Variants in HYDIN observed in about 807,000 individuals in gnomAD.
The protein encoded by HYDIN is axonemal central pair apparatus protein HYDIN.
Under a neutral mutation model 403.9 loss-of-function variants are expected in HYDIN, and 132 were observed. The ratio of observed to expected loss-of-function variants is 0.33; its 90% CI spans 0.28 to 0.38. The LOEUF is 0.38. Ranked by LOEUF, HYDIN falls within the 10% of genes least tolerant of loss-of-function variation. The pLI is 1.00. For missense variants in HYDIN, 2,827 were observed against 5,009.5 expected, an observed-to-expected ratio of 0.56 and a Z score of 13.15; for synonymous variants, 1,202 against 1,891.7, an observed-to-expected ratio of 0.64 and a Z score of 9.46.
rs766663360 is a variant in HYDIN, at chr16:70,907,426, A to T, written c.8462T>A (p.Met2821Lys). Residue 2821 changes from methionine to lysine, a missense_variant, in exon 50 of 86, where the codon ATG becomes AAG. Met to Lys is a moderately conservative substitution (Grantham distance 95). Transcript: ENST00000393567. ...CCCAAAGTAGTACGTCTCCGTGCTC[A>T]TAACATACTTCTTAAAGATGACCTC... ...TNEVIFKKYV[M>K]STETYYFGPL... The T allele has an allele frequency of 5.0e-5, 30 of 599,614 alleles. 1 individual carries two copies. The South Asian group carries it at 5.8e-4, about 12-fold the overall frequency. The allele number at this position is 599,614 out of a possible 1,614,324, so 37.1% of individuals were successfully genotyped here. A position where few individuals can be genotyped will look rare whatever the true frequency, so the allele number is the denominator to read the frequency against.
chr16:71,194,226 T>C lies in HYDIN; in HGVS notation c.-23-7308A>G, dbSNP rs113042500. 8.5e-3 allele frequency among the ~76,000 whole-genome samples: 1,298 copies of C among 152,008 alleles called. 17 individuals carry two copies. The highest frequency in any genetic ancestry group is 0.03 in the African/African-American group (1,234 of 41,460). On this transcript the variant is annotated intron_variant, in intron 1 of 85. Coordinates refer to ENST00000393567, the MANE Select transcript of HYDIN (RefSeq NM_001270974.2). The stretch of plus-strand genomic sequence containing the variant: ...AGGAGATCGAGACCATTGTGGCAAA[T>C]GTGGTTAAACCCCATCTCTACTAAA...
chr16:70,840,218 T>C lies in HYDIN; in HGVS notation c.12889A>G (p.Thr4297Ala), dbSNP rs769324985. ...ELIIKISHGP[T>A]FMCNISGCAV... ...CAGCCTGAGATGTTGCACATAAATG[T>C]TGGACCATGGCTGATCTGTGAGGAG... The change falls in exon 76 of 86, where the codon ACA (threonine) becomes GCA (alanine). Residue 4297 changes from threonine (T) to alanine (A), a missense_variant. Transcript: ENST00000393567. 3.3e-6 allele frequency: 3 copies of C among 922,450 alleles called. No individual in the cohort carries two copies. The highest frequency in any genetic ancestry group is 3.4e-4 in the Middle Eastern group (1 of 2,968). The allele number at this position is 922,450 out of a possible 1,614,324, so 57.1% of individuals were successfully genotyped here. A position where few individuals can be genotyped will look rare whatever the true frequency, so the allele number is the denominator to read the frequency against.
At chr16:70,984,895 C>T (rs1319623755) in intron 28 of HYDIN, among the ~76,000 whole-genome samples, 16 of 151,264 alleles carry the variant, frequency 1.1e-4, no homozygotes, top group African/African-American at 3.7e-4. Context: ...GTGAAGACAT[C>T]GGTGGAAATA....
chr16:71,133,336 C>A, intron 8 of HYDIN: 1 of 451,968 alleles, frequency 2.2e-6, no homozygotes, highest in Non-Finnish European at 4.4e-6. Flanking sequence ...ACTCTGTGAT[C>A]AATGTTACAA....
At chr16:70,977,066 T>G (rs903499523) in intron 30 of HYDIN, among the ~76,000 whole-genome samples, 53 of 152,256 alleles carry the variant, frequency 3.5e-4, no homozygotes, top group African/African-American at 1.2e-3. Context: ...GCTCTGCACG[T>G]ACCATCATAT....
At chr16:71,003,196 C>T (rs1406323798) in intron 23 of HYDIN, among the ~76,000 whole-genome samples, 2 of 152,094 alleles carry the variant, frequency 1.3e-5, no homozygotes, top group East Asian at 3.9e-4. Flanking sequence ...TACAATAAGG[C>T]TTGATATCTA....
intron 1 of HYDIN, among the ~76,000 whole-genome samples, chr16:71,223,413 T>C (rs1361243043): frequency 2.0e-5 from 3 of 152,154 alleles, no homozygotes; most frequent in Non-Finnish European, 4.4e-5. Flanking sequence ...GGCATTGGCT[T>C]AGGCAGAAAT....
intron 84 of HYDIN, among the ~76,000 whole-genome samples, chr16:70,813,585 T>TAAACTAAAACTTAAAACTAAAAA: frequency 6.6e-6 from 1 of 152,126 alleles, no homozygotes; most frequent in Non-Finnish European, 1.5e-5. Context: ...AAATGTCTGT[T>TAAACTAAAACTTAAAACTAAAAA]GTTTTAAGTT....
At chr16:71,114,892 A>T (rs2083961318) in intron 10 of HYDIN, among the ~76,000 whole-genome samples, 1 of 79,480 alleles carries the variant, frequency 1.3e-5, no homozygotes. Context: ...TTGCCATCCC[A>T]CCTGTGCACC....
rs202051879 is a variant in HYDIN at position 70,882,714 on chromosome 16, G to A, written c.10161C>T (p.Asn3387=). The change falls in exon 60 of 86, where the codon AAC becomes AAT. Residue 3387 remains asparagine, a synonymous_variant. Coordinates refer to ENST00000393567, the MANE Select transcript of HYDIN (RefSeq NM_001270974.2). ...TGACATCACAGGTGATCTTTCCCAC[G>A]TTGCTGATCTTGAAACGAGCCTTGG... The part of the protein sequence containing the change: ...RQAKARFKIS[N]VGKITCDVNI... 5.2e-3 allele frequency: 7,591 copies of A among 1,465,420 alleles called. 193 individuals carry two copies. In the East Asian group the frequency reaches 0.084, roughly 16 times the overall value. The allele number at this position is 1,465,420 out of a possible 1,614,324, so 90.8% of individuals were successfully genotyped here. A position where few individuals can be genotyped will look rare whatever the true frequency, so the allele number is the denominator to read the frequency against.
At chr16:70,834,925 T>C (rs1376732800) in intron 78 of HYDIN, among the ~76,000 whole-genome samples, 3 of 148,806 alleles carry the variant, frequency 2.0e-5, no homozygotes, top group South Asian at 2.1e-4. Flanking sequence ...TATACACACA[T>C]ATATGTATAT....
At position 70,835,074 on chromosome 16, in the gene HYDIN, T is replaced by A. The variant is rs551330029; in HGVS notation, c.13401+602A>T. On this transcript the variant is annotated intron_variant, in intron 78 of 85. Transcript: ENST00000393567. ...GTGCCGTGGTGCGATCTCGACTCAC[T>A]GCAACCTCCGCCTCCTGGGTTCAAA... Among the ~76,000 whole-genome samples, 993 of 150,002 alleles carry A rather than the reference T, an allele frequency of 6.6e-3. 22 individuals carry two copies. Among genetic ancestry groups the A allele is most frequent in the Non-Finnish European group, 5.9e-3 (399 of 67,522 alleles).
chr16:71,198,980 A>G (rs988239673), intron 1 of HYDIN, among the ~76,000 whole-genome samples: 1 of 152,170 alleles, frequency 6.6e-6, no homozygotes, highest in South Asian at 2.1e-4. Flanking sequence ...TGCCATCCAA[A>G]CTTGCAAGCA....
At chr16:71,222,010 T>C (rs236007) in intron 1 of HYDIN, among the ~76,000 whole-genome samples, 105,248 of 152,150 alleles carry the variant, frequency 0.69, 38,202 homozygotes, top group African/African-American at 0.91. Context: ...ACCTCATTTC[T>C]ATTTTCTGTA....
rs1480521871 is a variant in HYDIN, at chr16:70,862,385, G to A, written c.11570-130C>T. On this transcript the variant is annotated intron_variant, in intron 68 of 85. Transcript: ENST00000393567. ...TATGGACTCACCTTTTGTAGCAGCTGTACTTAACCTTGGGTATTAGAGGTA... is the reference window on the plus strand; with the variant it reads ...TATGGACTCACCTTTTGTAGCAGCTATACTTAACCTTGGGTATTAGAGGTA... 28 of 566,342 alleles carry A rather than the reference G, an allele frequency of 4.9e-5. No homozygotes were observed. The African/African-American group carries it at 5.7e-4, about 12-fold the overall frequency. The allele number at this position is 566,342 out of a possible 1,614,324, so 35.1% of individuals were successfully genotyped here.
intron 42 of HYDIN, among the ~76,000 whole-genome samples, chr16:70,942,549 A>G (rs1170232168): frequency 1.3e-5 from 2 of 152,250 alleles, no homozygotes; most frequent in Non-Finnish European, 2.9e-5. Flanking sequence ...GATTTTGGTA[A>G]CAGTAACCAT....
At chr16:71,061,303 C>A (rs2082070095) in intron 17 of HYDIN, among the ~76,000 whole-genome samples, 1 of 147,964 alleles carries the variant, frequency 6.8e-6, no homozygotes, top group Non-Finnish European at 1.5e-5. Flanking sequence ...CTTGGTGATG[C>A]TGTTTTATAA....
chr16:71,228,727 C>A (rs1375780786), intron 1 of HYDIN, among the ~76,000 whole-genome samples: 1 of 152,168 alleles, frequency 6.6e-6, no homozygotes, highest in Non-Finnish European at 1.5e-5. Flanking sequence ...ACTAGTTCAA[C>A]CATTGTGGAA....
chr16:70,971,484 T>G (rs1222110565), intron 35 of HYDIN, among the ~76,000 whole-genome samples: 3 of 151,550 alleles, frequency 2.0e-5, no homozygotes, highest in Non-Finnish European at 4.4e-5. Context: ...GATCCTCAGA[T>G]TCCATCCCTA....
Sources: allele counts gnomAD v4.1 joint callset (sites outside exome capture counted in the v4.1 genomes callset), GRCh38; gene constraint gnomAD v4.1.1; transcripts MANE v1.5; gene names NCBI Gene and HGNC (gene_info 2026-07-23, HGNC 2026-07-21).